The following APOOL variants were observed in gnomAD, a reference collection of about 807,000 sequenced individuals.
The protein encoded by APOOL is MICOS complex subunit MIC27.
A neutral mutation model predicts 23.1 loss-of-function variants in APOOL; 12 were observed. The observed-to-expected ratio is 0.52, with a 90% CI of 0.33 to 0.84. The LOEUF (loss-of-function observed/expected upper bound fraction) is 0.84. APOOL is among the 40% of genes least tolerant of loss of function. The pLI is 0.02. For synonymous variants in APOOL, 77 were observed against 69.9 expected, an observed-to-expected ratio of 1.10 and a Z score of -0.51; for missense variants, 212 against 199.6, an observed-to-expected ratio of 1.06 and a Z score of -0.37.
intron 5 of APOOL, among the ~76,000 whole-genome samples, chrX:85,058,987 A>C (rs966228649): frequency 9.4e-5 from 10 of 106,425 alleles, no homozygotes; most frequent in African/African-American, 3.1e-4. Context: ...TTAACTCGTC[A>C]TTTAGCATTA....
chrX:85,073,859 T>C, intron 6 of APOOL, 139 bp from the exon 7 acceptor site: 1 of 417,206 alleles, frequency 2.4e-6, no homozygotes. Context: ...AATGGTGCTT[T>C]GTGTTATATG....
At chrX:85,052,306 A>G (rs1174360392) in intron 3 of APOOL, among the ~76,000 whole-genome samples, 1 of 112,200 alleles carries the variant, frequency 8.9e-6, no homozygotes, top group Non-Finnish European at 1.9e-5. Context: ...AGTAGAATAC[A>G]CGTGACTTTA....
At chrX:85,082,922 G>A (rs544437170) in intron 8 of APOOL, among the ~76,000 whole-genome samples, 3 of 111,638 alleles carry the variant, frequency 2.7e-5, no homozygotes, top group Admixed American at 9.6e-5. Flanking sequence ...GGGCAAAATC[G>A]AATTTCCTAC....
intron 5 of APOOL, among the ~76,000 whole-genome samples, chrX:85,060,258 C>A (rs1473612648): frequency 9.6e-5 from 10 of 103,997 alleles, no homozygotes; most frequent in African/African-American, 3.5e-4. Flanking sequence ...GGTACCAGTA[C>A]CATGCTGTTT....
At chrX:85,032,435 AC>A (rs1280379419) in intron 1 of APOOL, among the ~76,000 whole-genome samples, 1 of 109,851 alleles carries the variant, frequency 9.1e-6, no homozygotes, top group Non-Finnish European at 1.9e-5. Context: ...AATCACTTGA[AC>A]CTGGGTGGCG....
rs1047695527 is a variant in APOOL at position 85,084,522 on chromosome X, GT to G, written c.719-3057del. ...AGATCCATATCACAATTACTTGAGG[GT>G]TTTTTTTTTTCTCAAAATCCATAGG... On this transcript the variant is annotated intron_variant, in intron 8 of 8. Coordinates refer to ENST00000373173, the MANE Select transcript of APOOL (RefSeq NM_198450.6). Among the ~76,000 whole-genome samples, 718 of 104,064 alleles carry G rather than the reference GT, an allele frequency of 6.9e-3. 6 individuals carry two copies. The highest frequency in any genetic ancestry group is 0.024 in the African/African-American group (685 of 28,833). The allele number at this position is 104,064 out of a possible 115,157, so 90.4% of individuals were successfully genotyped here. A position where few individuals can be genotyped will look rare whatever the true frequency, so the allele number is the denominator to read the frequency against.
chrX:85,082,566 G>A, intron 8 of APOOL, among the ~76,000 whole-genome samples: 1 of 110,497 alleles, frequency 9.1e-6, no homozygotes, highest in East Asian at 2.8e-4. Context: ...AGTGACGGTT[G>A]AAAAAAAATC....
intron 1 of APOOL, among the ~76,000 whole-genome samples, chrX:85,040,468 G>C (rs772956687): frequency 8.9e-6 from 1 of 111,982 alleles, no homozygotes; most frequent in South Asian, 3.7e-4. Flanking sequence ...CGTTTTCATG[G>C]ACAATATTCT....
intron 1 of APOOL, among the ~76,000 whole-genome samples, chrX:85,016,858 C>G (rs1434656317): frequency 8.9e-6 from 1 of 112,590 alleles, no homozygotes; most frequent in Non-Finnish European, 1.9e-5. Context: ...GGGCAATCAC[C>G]TGACGTGGTG....
In APOOL at chrX:85,079,669, C is replaced by G. The variant is rs777197934; in HGVS notation, c.718+5278C>G. On this transcript the variant is annotated intron_variant, in intron 8 of 8. Transcript: ENST00000373173. Reference sequence around the variant, plus strand: ...GGAATAGTTTCAGAAGGAATGGTACCAGCTCCTCTTTGTATCTCTGGTAGA... The same window carrying G: ...GGAATAGTTTCAGAAGGAATGGTACGAGCTCCTCTTTGTATCTCTGGTAGA... Among the ~76,000 whole-genome samples the G allele has an allele frequency of 3.6e-5, 4 of 111,498 alleles. No homozygotes were observed. In the South Asian group the frequency reaches 1.5e-3, roughly 42 times the overall value.
rs919285119 is a variant in APOOL, at chrX:85,029,578, C to T, written c.16-16868C>T. Among the ~76,000 whole-genome samples, 3 of 111,240 alleles carry T rather than the reference C, an allele frequency of 2.7e-5. No homozygotes were observed. The Admixed American group carries it at 2.9e-4, about 11-fold the overall frequency. ...ATGCCAGTGGACTAATAACCTGTTT[C>T]TCGTCACAGTGAACATCAAAAGTCT... On this transcript the variant is annotated intron_variant, in intron 1 of 8. Transcript: ENST00000373173.
chrX:85,011,054 G>A (rs1921261669), intron 1 of APOOL, among the ~76,000 whole-genome samples: 2 of 111,499 alleles, frequency 1.8e-5, no homozygotes. Context: ...GGAGTGAGAT[G>A]GTATCGTATT....
chrX:85,038,274 T>A (rs943240977), intron 1 of APOOL, among the ~76,000 whole-genome samples: 19 of 111,380 alleles, frequency 1.7e-4, no homozygotes, highest in Non-Finnish European at 3.0e-4. Context: ...ATTTCCTAGA[T>A]GTTTTCCTAG....
chrX:85,046,387 G>T, intron 1 of APOOL, 59 bp from the exon 2 acceptor site: 3 of 960,665 alleles, frequency 3.1e-6, no homozygotes, highest in Middle Eastern at 2.7e-4. Context: ...GTATTTATTA[G>T]GAAATGGAAG....
intron 1 of APOOL, among the ~76,000 whole-genome samples, chrX:85,044,737 T>A (rs1266289922): frequency 9.0e-6 from 1 of 111,709 alleles, no homozygotes; most frequent in African/African-American, 3.3e-5. Flanking sequence ...TATATTAACT[T>A]TTAGGCCATG....
intron 8 of APOOL, among the ~76,000 whole-genome samples, chrX:85,081,795 C>T (rs1041352530): frequency 2.7e-5 from 3 of 111,447 alleles, no homozygotes; most frequent in African/African-American, 9.8e-5. Context: ...TTTCTTTTTA[C>T]TCTTTTGTCT....
At chrX:85,061,395 G>C (rs1047516561) in intron 5 of APOOL, among the ~76,000 whole-genome samples, 1 of 111,553 alleles carries the variant, frequency 9.0e-6, no homozygotes, top group East Asian at 2.8e-4. Context: ...GCTGGCCTCA[G>C]AAAATGAGTT....
intron 2 of APOOL, among the ~76,000 whole-genome samples, chrX:85,047,257 T>C (rs1263148255): frequency 8.9e-6 from 1 of 112,042 alleles, no homozygotes; most frequent in East Asian, 2.8e-4. Flanking sequence ...CTATTTCTCA[T>C]ACATCACAGC....
chrX:85,074,400 G>A lies in APOOL; in HGVS notation c.718+9G>A. 1 of 1,206,341 alleles carries A rather than the reference G, an allele frequency of 8.3e-7. No individual in the cohort carries two copies. The highest frequency in any genetic ancestry group is 2.2e-5 in the Admixed American group (1 of 45,172). On this transcript the variant is annotated intron_variant, in intron 8 of 8. Coordinates refer to ENST00000373173, the MANE Select transcript of APOOL (RefSeq NM_198450.6). ...ATCAGAATCCACTTCAGGTTTGTTG[G>A]GTATAAGTCAATTTTGTTTTCATTC...
Sources: allele counts gnomAD v4.1 joint callset (sites outside exome capture counted in the v4.1 genomes callset), GRCh38; gene constraint gnomAD v4.1.1; transcripts MANE v1.5; gene names NCBI Gene and HGNC (gene_info 2026-07-23, HGNC 2026-07-21).